LPP: variants seen among roughly 807,000 people sequenced by gnomAD.
LPP encodes LIM domain containing preferred translocation partner in lipoma.
In LPP, 38 loss-of-function variants were observed where a neutral mutation model predicts 60.4. The observed-to-expected ratio is 0.63, with a 90% CI of 0.49 to 0.83. The LOEUF is 0.83. LPP is among the 40% of genes least tolerant of loss of function. The pLI, the probability that LPP is intolerant of heterozygous loss-of-function variation, is 0.00. For synonymous variants in LPP, 328 were observed against 290.8 expected, an observed-to-expected ratio of 1.13 and a Z score of -1.30; for missense variants, 902 against 783.6, an observed-to-expected ratio of 1.15 and a Z score of -1.80.
At chr3:188,602,177 T>TATATATA (rs1491363629) in intron 6 of LPP, among the ~76,000 whole-genome samples, 98 of 115,120 alleles carry the variant, frequency 8.5e-4, no homozygotes, top group African/African-American at 3.1e-3. Context: ...ATATATATAT[T>TATATATA]ATATATATAT....
At chr3:188,505,821 T>G (rs1813286145) in intron 5 of LPP, among the ~76,000 whole-genome samples, 2 of 152,200 alleles carry the variant, frequency 1.3e-5, no homozygotes, top group Admixed American at 6.5e-5. Flanking sequence ...ACATTCCAAC[T>G]GCATATCTGT....
chr3:188,160,106 T>C (rs2148686224), intron 1 of LPP, among the ~76,000 whole-genome samples: 1 of 151,446 alleles, frequency 6.6e-6, no homozygotes, highest in South Asian at 2.1e-4. Flanking sequence ...AGAGACGGAG[T>C]TTCACCATGT....
intron 9 of LPP, among the ~76,000 whole-genome samples, chr3:188,770,213 C>G (rs575904325): frequency 8.6e-6 from 1 of 115,830 alleles, no homozygotes; most frequent in South Asian, 2.9e-4. Context: ...GGGTCTTGCT[C>G]TGTCACCCAG....
intron 7 of LPP, among the ~76,000 whole-genome samples, chr3:188,687,651 T>G (rs1238862248): frequency 6.6e-6 from 1 of 152,130 alleles, no homozygotes; most frequent in East Asian, 1.9e-4. Flanking sequence ...CTCAGGGAAG[T>G]TTTTTATAGC....
At chr3:188,781,604 C>G (rs1739687148) in intron 9 of LPP, among the ~76,000 whole-genome samples, 1 of 151,792 alleles carries the variant, frequency 6.6e-6, no homozygotes, top group Non-Finnish European at 1.5e-5. Context: ...CACCCCCTGC[C>G]TCGGTGCGGT....
chr3:188,225,121 A>G (rs1717258867), intron 1 of LPP, among the ~76,000 whole-genome samples: 1 of 151,972 alleles, frequency 6.6e-6, no homozygotes, highest in Non-Finnish European at 1.5e-5. Context: ...TCTTCCCTAC[A>G]ATTTGAGTAT....
chr3:188,703,947 A>G (rs902581871), intron 7 of LPP, among the ~76,000 whole-genome samples: 2 of 152,226 alleles, frequency 1.3e-5, no homozygotes, highest in Non-Finnish European at 2.9e-5. Flanking sequence ...AGGTTGAGAC[A>G]ATGATAAATT....
Position 188,609,423 on chromosome 3 carries a change from G to A in LPP, c.692G>A (p.Ser231Asn). ...GTGCAGGTGAAGTCAGCCCAGCCCA[G>A]CCCTCATTATATGGCTGCCCCTTCA... is the stretch of plus-strand genomic sequence containing the variant. ...FNVQVKSAQP[S>N]PHYMAAPSSG... is the part of the protein sequence containing the mutation. Residue 231 changes from serine to asparagine, a missense_variant, in exon 7 of 12, where the codon AGC becomes AAC. Ser to Asn is a conservative substitution (Grantham distance 46). Transcript: ENST00000617246. The surrounding 1 kb of genome is among the most constrained non-coding windows in gnomAD (Gnocchi z 6.9). The A allele has an allele frequency of 6.2e-7, 1 of 1,614,120 alleles. No individual in the cohort carries two copies. Among genetic ancestry groups the A allele is most frequent in the Non-Finnish European group, 8.5e-7 (1 of 1,180,030 alleles).
rs371645722 is a variant in LPP at position 188,721,304 on chromosome 3, A to G, written c.1240+12911A>G. Among the ~76,000 whole-genome samples, 5 of 152,154 alleles carry G rather than the reference A, an allele frequency of 3.3e-5. No individual in the cohort carries two copies. In the East Asian group the frequency reaches 5.8e-4, roughly 18 times the overall value. ...TACAGATCACATCTGTAATCCCAAC[A>G]CTTTGGGAGGCCGAGGCTGGAGAAT... On this transcript the variant is annotated intron_variant, in intron 8 of 11. Coordinates refer to ENST00000617246, the MANE Select transcript of LPP (RefSeq NM_001375462.1).
chr3:188,859,001 A>T (rs1764512504), intron 9 of LPP, among the ~76,000 whole-genome samples: 1 of 150,736 alleles, frequency 6.6e-6, no homozygotes, highest in South Asian at 2.1e-4. Context: ...AGGCAGGAGA[A>T]TCGCTTGAAC....
Position 188,878,793 on chromosome 3 carries a change from G to C in LPP, c.*4314G>C, listed in dbSNP as rs1472657015. The C allele has an allele frequency of 5.0e-6, 1 of 198,048 alleles. No individual in the cohort carries two copies. Among genetic ancestry groups the C allele is most frequent in the Non-Finnish European group, 1.0e-5 (1 of 97,992 alleles). The allele number at this position is 198,048 out of a possible 1,614,324, so 12.3% of individuals were successfully genotyped here. ...AAAAAAAAGAAAGAAAGAAAAGAAA[G>C]AGAGAGAAGTCAACTTTTCATCTTA... On this transcript the variant is annotated 3_prime_UTR_variant, in exon 12 of 12. Coordinates refer to ENST00000617246, the MANE Select transcript of LPP (RefSeq NM_001375462.1).
In LPP at chr3:188,609,138, CT is replaced by C. The variant is rs148971918; in HGVS notation, c.430-15del. ...GCAGTAATTTTTGCTTTCTTTCTTT[CT>C]TTTTTTTCCTATTCTTTTTAGAGCT... On this transcript the variant is annotated intron_variant, in intron 6 of 11. Transcript: ENST00000617246. This position sits in a 1 kb window ranked among gnomAD's most constrained non-coding sequence, Gnocchi z 6.9. 11 of 1,525,004 alleles carry C rather than the reference CT, an allele frequency of 7.2e-6. No individual in the cohort carries two copies. Among genetic ancestry groups the C allele is most frequent in the African/African-American group, 1.4e-5 (1 of 71,240 alleles). The allele number at this position is 1,525,004 out of a possible 1,614,324, so 94.5% of individuals were successfully genotyped here. A position where few individuals can be genotyped will look rare whatever the true frequency, so the allele number is the denominator to read the frequency against.
chr3:188,592,567 T>TTTTTTTTTTTTTTGGAGGC (rs1839117909), intron 6 of LPP, among the ~76,000 whole-genome samples: 1 of 74,828 alleles, frequency 1.3e-5, no homozygotes. Context: ...GTTTTTTAAA[T>TTTTTTTTTTTTTTGGAGGC]GGAGTCTCAC....
chr3:188,744,819 A>AT (rs1420273136), intron 8 of LPP, among the ~76,000 whole-genome samples: 3 of 151,972 alleles, frequency 2.0e-5, no homozygotes, highest in Non-Finnish European at 4.4e-5. Flanking sequence ...TATAAAACAC[A>AT]TTTTGTTTCT....
At chr3:188,734,316 TA>T (rs1227939100) in intron 8 of LPP, among the ~76,000 whole-genome samples, 1 of 152,366 alleles carries the variant, frequency 6.6e-6, no homozygotes, top group Non-Finnish European at 1.5e-5. Flanking sequence ...AATGTTATTC[TA>T]TTTTTTAATT....
intron 7 of LPP, among the ~76,000 whole-genome samples, chr3:188,630,160 CA>C: frequency 7.8e-6 from 1 of 128,034 alleles, no homozygotes; most frequent in Non-Finnish European, 1.7e-5. Context: ...CACAGCAAAA[CA>C]AACTATCAAC....
chr3:188,406,012 G>T, intron 3 of LPP, 100 bp from the exon 4 acceptor site: 1 of 958,604 alleles, frequency 1.0e-6, no homozygotes, highest in Non-Finnish European at 1.5e-6. Context: ...AACTTTATCA[G>T]GATGCATTTA....
chr3:188,256,408 G>C (rs546619647), intron 2 of LPP, among the ~76,000 whole-genome samples: 1 of 152,068 alleles, frequency 6.6e-6, no homozygotes, highest in Non-Finnish European at 1.5e-5. Flanking sequence ...TATTGTTATA[G>C]AACTAGATTA....
intron 10 of LPP, among the ~76,000 whole-genome samples, chr3:188,868,794 C>T (rs1181838259): frequency 6.6e-6 from 1 of 152,188 alleles, no homozygotes; most frequent in Admixed American, 6.5e-5. Flanking sequence ...TTAGAAAATG[C>T]ATGTTAATTC....
Sources: allele counts gnomAD v4.1 joint callset (sites outside exome capture counted in the v4.1 genomes callset), GRCh38; gene constraint gnomAD v4.1.1; non-coding constraint Gnocchi (gnomAD v3.1); transcripts MANE v1.5; gene names NCBI Gene and HGNC (gene_info 2026-07-23, HGNC 2026-07-21).